Variants in NIBAN1 observed in about 807,000 individuals in gnomAD.
NIBAN1 encodes niban apoptosis regulator 1, also known as protein Niban 1.
Under a neutral mutation model 75.1 loss-of-function variants are expected in NIBAN1, and 81 were observed. That is an observed-to-expected ratio of 1.08 (90% CI 0.90 to 1.30). The LOEUF is 1.30. Among genes scored for constraint, NIBAN1 ranks in the 50% most tolerant of loss-of-function variants. NIBAN1 has a pLI of 0.00. For missense variants in NIBAN1, 1,133 were observed against 1,128.1 expected, an observed-to-expected ratio of 1.00 and a Z score of -0.06; for synonymous variants, 436 against 424.8, an observed-to-expected ratio of 1.03 and a Z score of -0.32.
At chr1:184,887,030 A>C (rs182650568) in intron 4 of NIBAN1, among the ~76,000 whole-genome samples, 45 of 152,308 alleles carry the variant, frequency 3.0e-4, no homozygotes, top group African/African-American at 1.1e-3. Flanking sequence ...CTGAGGCAGG[A>C]GAATCACTTG....
At chr1:184,801,675 C>T (rs1210776529) in intron 12 of NIBAN1, among the ~76,000 whole-genome samples, 3 of 152,320 alleles carry the variant, frequency 2.0e-5, no homozygotes, top group Admixed American at 6.5e-5. Flanking sequence ...ACATGGCATC[C>T]TGTTTGCCTG....
intron 9 of NIBAN1, among the ~76,000 whole-genome samples, chr1:184,810,520 A>G (rs1461910198): frequency 1.3e-5 from 2 of 152,228 alleles, no homozygotes; most frequent in Non-Finnish European, 2.9e-5. Flanking sequence ...ATGAACTGTA[A>G]GAGTCAGATA....
At chr1:184,866,522 C>A (rs887484041) in intron 5 of NIBAN1, among the ~76,000 whole-genome samples, 3 of 152,160 alleles carry the variant, frequency 2.0e-5, no homozygotes, top group Admixed American at 2.0e-4. Flanking sequence ...ATCCACTTAA[C>A]CCAACTGTCA....
chr1:184,973,719 C>T (rs1264274056), intron 1 of NIBAN1, among the ~76,000 whole-genome samples: 4 of 152,230 alleles, frequency 2.6e-5, no homozygotes, highest in African/African-American at 9.6e-5. Context: ...CGCCAGTGTT[C>T]CTCTTTTGCT....
At chr1:184,852,289 G>A (rs944382317) in intron 5 of NIBAN1, among the ~76,000 whole-genome samples, 1 of 152,318 alleles carries the variant, frequency 6.6e-6, no homozygotes, top group South Asian at 2.1e-4. Flanking sequence ...GGTTTGTCAC[G>A]AATGTCCTTG....
At chr1:184,864,670 A>G (rs1331844517) in intron 5 of NIBAN1, among the ~76,000 whole-genome samples, 1 of 152,188 alleles carries the variant, frequency 6.6e-6, no homozygotes, top group Non-Finnish European at 1.5e-5. Context: ...TTAAAAAATA[A>G]TATTTTATTC....
In NIBAN1 at chr1:184,898,332, A is replaced by G. The variant is rs200963584; in HGVS notation, c.186+847T>C. Among the ~76,000 whole-genome samples the G allele has an allele frequency of 1.6e-4, 25 of 152,152 alleles. No individual in the cohort carries two copies. In the East Asian group the frequency reaches 4.4e-3, roughly 27 times the overall value. On this transcript the variant is annotated intron_variant, in intron 2 of 13. Coordinates refer to ENST00000367511, the MANE Select transcript of NIBAN1 (RefSeq NM_052966.4). ...ACCATCTTCTCTAAAATAAGGCTCT[A>G]GGCTGGGCGTGGTGGCTCACACCTG... is the stretch of plus-strand genomic sequence containing the variant.
chr1:184,893,068 C>A (rs981489275), intron 3 of NIBAN1, among the ~76,000 whole-genome samples: 1 of 152,074 alleles, frequency 6.6e-6, no homozygotes, highest in African/African-American at 2.4e-5. Context: ...TACTGCACCT[C>A]GCCATCTTGA....
At chr1:184,873,803 C>A (rs895509376) in intron 5 of NIBAN1, among the ~76,000 whole-genome samples, 1 of 152,148 alleles carries the variant, frequency 6.6e-6, no homozygotes, top group African/African-American at 2.4e-5. Context: ...AATGTGTATG[C>A]TTTCCTCCTG....
intron 1 of NIBAN1, among the ~76,000 whole-genome samples, chr1:184,920,891 T>G (rs1460418244): frequency 1.3e-5 from 2 of 152,226 alleles, no homozygotes; most frequent in East Asian, 3.9e-4. Flanking sequence ...CCAAGCACCT[T>G]GGAAGGCCAA....
At chr1:184,962,416 A>G (rs1658673103) in intron 1 of NIBAN1, among the ~76,000 whole-genome samples, 1 of 152,194 alleles carries the variant, frequency 6.6e-6, no homozygotes, top group Non-Finnish European at 1.5e-5. Context: ...AGTGTGGAAA[A>G]GGATATGTAT....
At chr1:184,919,243 G>A (rs971589897) in intron 1 of NIBAN1, among the ~76,000 whole-genome samples, 2 of 152,164 alleles carry the variant, frequency 1.3e-5, no homozygotes, top group African/African-American at 4.8e-5. Flanking sequence ...GTACAAACTG[G>A]CCTGTCCTGA....
rs1168037153 is a variant in NIBAN1, at chr1:184,917,368, A to ATTTT, written c.56-18063_56-18060dup. ...AGACACCCGCCACCACGCCCGGCTAATTTTTTTTTTTTTTTTTTTTTTTTT... is the reference window on the plus strand; with the variant it reads ...AGACACCCGCCACCACGCCCGGCTAATTTTTTTTTTTTTTTTTTTTTTTTTTTTT... On this transcript the variant is annotated intron_variant, in intron 1 of 13. Transcript: ENST00000367511. 1.3e-4 allele frequency among the ~76,000 whole-genome samples: 12 copies of ATTTT among 89,086 alleles called. 1 individual carries two copies. Among genetic ancestry groups the ATTTT allele is most frequent in the Non-Finnish European group, 1.9e-4 (9 of 47,370 alleles). 58.4% of individuals were successfully genotyped at this position (89,086 alleles called of 152,430 possible).
intron 5 of NIBAN1, among the ~76,000 whole-genome samples, chr1:184,877,168 T>C (rs1656254704): frequency 6.6e-6 from 1 of 152,158 alleles, no homozygotes; most frequent in Non-Finnish European, 1.5e-5. Flanking sequence ...GCTTTGAAAG[T>C]CAATAAATTG....
intron 12 of NIBAN1, 53 bp downstream of exon 12, chr1:184,803,532 T>C (rs974319611): frequency 7.6e-6 from 11 of 1,442,028 alleles, no homozygotes; most frequent in African/African-American, 1.4e-5. Flanking sequence ...AAGAACTTGT[T>C]TGAACTTCAG....
In NIBAN1 at chr1:184,875,401, G is replaced by A. The variant is rs576209017; in HGVS notation, c.601+9232C>T. On this transcript the variant is annotated intron_variant, in intron 5 of 13. Transcript: ENST00000367511. ...TCACATGTTGGCCAAAGCTGCAATC[G>A]TTTGAAGGTTTGACAGAATAGAAGC... Among the ~76,000 whole-genome samples, 5 of 152,146 alleles carry A rather than the reference G, an allele frequency of 3.3e-5. No homozygotes were observed. In the East Asian group the frequency reaches 5.8e-4, roughly 18 times the overall value.
intron 5 of NIBAN1, among the ~76,000 whole-genome samples, chr1:184,852,855 G>GAT (rs1655578641): frequency 6.6e-6 from 1 of 152,120 alleles, no homozygotes; most frequent in Non-Finnish European, 1.5e-5. Flanking sequence ...GCTACTGGAA[G>GAT]ATATTAAATG....
chr1:184,935,820 T>G (rs1657942908), intron 1 of NIBAN1, among the ~76,000 whole-genome samples: 1 of 148,808 alleles, frequency 6.7e-6, no homozygotes, highest in Non-Finnish European at 1.5e-5. Context: ...TGACTTAAAA[T>G]CCAGAATGAA....
At chr1:184,929,148 T>C (rs1657760073) in intron 1 of NIBAN1, among the ~76,000 whole-genome samples, 2 of 152,232 alleles carry the variant, frequency 1.3e-5, no homozygotes, top group African/African-American at 4.8e-5. Flanking sequence ...TCATATTGCG[T>C]GTCCACAGAA....
Sources: gnomAD v4.1 joint callset for allele counts (sites outside exome capture counted in the v4.1 genomes callset) on GRCh38, gnomAD v4.1.1 for gene constraint, MANE v1.5 for transcripts, NCBI Gene and HGNC (gene_info 2026-07-23, HGNC 2026-07-21) for gene names.